Variants in PLA2R1 observed in about 807,000 individuals in gnomAD.
PLA2R1 encodes phospholipase A2 receptor 1, also known as secretory phospholipase A2 receptor.
A neutral mutation model predicts 195.9 loss-of-function variants in PLA2R1; 158 were observed. That is an observed-to-expected ratio of 0.81 (90% CI 0.71 to 0.92). PLA2R1 has a LOEUF of 0.92. PLA2R1 is among the 40% of genes least tolerant of loss of function. The pLI is 0.00. For synonymous variants in PLA2R1, 586 were observed against 598.2 expected (o/e 0.98, Z 0.30); for missense variants, 1,626 against 1,764.6 (o/e 0.92, Z 1.41).
chr2:159,952,758 G>A (rs1169214646), intron 23 of PLA2R1, among the ~76,000 whole-genome samples: 1 of 152,184 alleles, frequency 6.6e-6, no homozygotes, highest in Non-Finnish European at 1.5e-5. Context: ...GACACAGAAA[G>A]CATCCTATGA....
At chr2:160,041,048 G>C (rs535350581) in intron 3 of PLA2R1, among the ~76,000 whole-genome samples, 1 of 152,234 alleles carries the variant, frequency 6.6e-6, no homozygotes, top group South Asian at 2.1e-4. Flanking sequence ...GAGGAAGCAG[G>C]ACTCCAATCT....
intron 1 of PLA2R1, among the ~76,000 whole-genome samples, chr2:160,057,908 T>G (rs914331226): frequency 1.5e-4 from 23 of 152,196 alleles, no homozygotes; most frequent in Non-Finnish European, 2.6e-4. Context: ...AGGGGGTGAA[T>G]GCCCCAGGAG....
chr2:159,961,556 T>G (rs1688439469), intron 20 of PLA2R1, among the ~76,000 whole-genome samples: 1 of 152,212 alleles, frequency 6.6e-6, no homozygotes, highest in Non-Finnish European at 1.5e-5. Flanking sequence ...ATAATTTTTT[T>G]TTATAACTCT....
At chr2:159,967,152 C>T (rs983238953) in intron 20 of PLA2R1, among the ~76,000 whole-genome samples, 15 of 152,096 alleles carry the variant, frequency 9.9e-5, no homozygotes, top group Non-Finnish European at 1.5e-4. Context: ...GACACACAGG[C>T]ATGCAGGCAC....
chr2:159,951,271 C>T, intron 24 of PLA2R1, 69 bp downstream of exon 24: 2 of 810,844 alleles, frequency 2.5e-6, no homozygotes, highest in East Asian at 2.5e-5. Flanking sequence ...TTTCAGTGGC[C>T]AGATCATGAA....
At chr2:160,027,172 T>A (rs1470698335) in intron 6 of PLA2R1, among the ~76,000 whole-genome samples, 1 of 151,822 alleles carries the variant, frequency 6.6e-6, no homozygotes, top group Non-Finnish European at 1.5e-5. Context: ...AAGCAAATAA[T>A]CCAAACAAGC....
At chr2:159,999,836 C>T (rs999330262) in intron 11 of PLA2R1, among the ~76,000 whole-genome samples, 4 of 152,244 alleles carry the variant, frequency 2.6e-5, no homozygotes, top group African/African-American at 9.6e-5. Context: ...CTTCTCTATC[C>T]TAAAATCTCA....
intron 22 of PLA2R1, 26 bp downstream of exon 22, chr2:159,955,672 T>G: frequency 3.1e-6 from 4 of 1,281,470 alleles, no homozygotes; most frequent in Non-Finnish European, 4.2e-6. Flanking sequence ...CAAAGTGATC[T>G]CCAAAAAATA....
At chr2:159,982,934 A>T (rs1027329936) in intron 13 of PLA2R1, among the ~76,000 whole-genome samples, 1 of 152,128 alleles carries the variant, frequency 6.6e-6, no homozygotes, top group African/African-American at 2.4e-5. Context: ...CTTGTTTGTC[A>T]TGTCTATTGA....
At chr2:159,945,816 A>G (rs757190903) in intron 27 of PLA2R1, 14 of 978,182 alleles carry the variant, frequency 1.4e-5, no homozygotes, top group Non-Finnish European at 1.7e-5. Context: ...AGGCATTAAT[A>G]AAGTTGCCTC....
At chr2:160,021,428 T>C (rs943810571) in intron 7 of PLA2R1, among the ~76,000 whole-genome samples, 3 of 152,266 alleles carry the variant, frequency 2.0e-5, no homozygotes, top group Admixed American at 6.5e-5. Flanking sequence ...TATATACACA[T>C]ACACATACCA....
chr2:160,034,156 T>C (rs1050571828), intron 3 of PLA2R1, among the ~76,000 whole-genome samples: 8 of 152,234 alleles, frequency 5.3e-5, no homozygotes, highest in African/African-American at 1.9e-4. Flanking sequence ...TCAAACTTAT[T>C]TGACAATAAA....
intron 11 of PLA2R1, among the ~76,000 whole-genome samples, chr2:160,003,418 G>C (rs1322423516): frequency 2.0e-5 from 3 of 151,856 alleles, no homozygotes; most frequent in African/African-American, 7.2e-5. Context: ...TTTATATTTA[G>C]AATATAATGA....
chr2:160,025,877 A>G (rs922035287), intron 6 of PLA2R1, among the ~76,000 whole-genome samples: 4 of 152,228 alleles, frequency 2.6e-5, no homozygotes, highest in Non-Finnish European at 4.4e-5. Flanking sequence ...ACGAGAGAAA[A>G]TGAGCAGAGG....
chr2:160,054,749 T>C (rs1344875974), intron 1 of PLA2R1, among the ~76,000 whole-genome samples: 3 of 152,218 alleles, frequency 2.0e-5, no homozygotes, highest in Admixed American at 6.5e-5. Context: ...TGGTGTTCTT[T>C]TGTTTATTTT....
In PLA2R1 at chr2:159,940,488, G is replaced by A. The variant is rs746426914; in HGVS notation, c.*1290C>T. 6.6e-6 allele frequency: 1 copy of A among 152,158 alleles called. No individual in the cohort carries two copies. The highest frequency in any genetic ancestry group is 2.4e-5 in the African/African-American group (1 of 41,424). The allele number at this position is 152,158 out of a possible 1,614,324, so 9.4% of individuals were successfully genotyped here. Reference sequence around the variant, plus strand: ...AGCTCACTGCAGCCTTCAACTTCTGGGCTCAGTTGATCCTCTTCCCTCAGC... The same window carrying A: ...AGCTCACTGCAGCCTTCAACTTCTGAGCTCAGTTGATCCTCTTCCCTCAGC... On this transcript the variant is annotated 3_prime_UTR_variant, in exon 30 of 30. Coordinates refer to ENST00000283243, the MANE Select transcript of PLA2R1 (RefSeq NM_007366.5).
At chr2:159,990,351 G>C (rs182584914) in intron 11 of PLA2R1, among the ~76,000 whole-genome samples, 25 of 152,204 alleles carry the variant, frequency 1.6e-4, no homozygotes, top group Admixed American at 1.2e-3. Context: ...AAACACGAAT[G>C]GGGAGACTTT....
At chr2:159,976,635 T>C in intron 16 of PLA2R1, 50 bp downstream of exon 16, 1 of 1,122,504 alleles carries the variant, frequency 8.9e-7, no homozygotes, top group African/African-American at 1.5e-5. Flanking sequence ...AGCACTTATA[T>C]GGTATATATT....
downstream of PLA2R1, chr2:159,931,905 T>C (rs748377808): frequency 6.6e-6 from 1 of 152,364 alleles, no homozygotes; most frequent in South Asian, 2.1e-4. Flanking sequence ...TTTAAACTAA[T>C]GTTAAAACAA....
Sources: gnomAD v4.1 joint callset for allele counts (sites outside exome capture counted in the v4.1 genomes callset) on GRCh38, gnomAD v4.1.1 for gene constraint, MANE v1.5 for transcripts, NCBI Gene and HGNC (gene_info 2026-07-23, HGNC 2026-07-21) for gene names.